LMNB1: variants seen among roughly 807,000 people sequenced by gnomAD.
The protein encoded by LMNB1 is lamin-B1.
In LMNB1, 23 loss-of-function variants were observed where a neutral mutation model predicts 67.1. The observed-to-expected ratio is 0.34, with a 90% CI of 0.25 to 0.49. The LOEUF (loss-of-function observed/expected upper bound fraction) is 0.49. LMNB1 is among the 20% of genes least tolerant of loss of function. LMNB1 has a pLI of 0.99. For missense variants in LMNB1, 634 were observed against 746.5 expected, an observed-to-expected ratio of 0.85 and a Z score of 1.76; for synonymous variants, 281 against 282.9, an observed-to-expected ratio of 0.99 and a Z score of 0.07.
intron 1 of LMNB1, among the ~76,000 whole-genome samples, chr5:126,795,715 C>G (rs55699774): frequency 0.084 from 12,735 of 151,986 alleles, 571 homozygotes; most frequent in Middle Eastern, 0.2. Context: ...CCTCTGCCCC[C>G]CCGGGTTCAA....
chr5:126,833,574 A>AT (rs1189519689), intron 10 of LMNB1, among the ~76,000 whole-genome samples: 3 of 152,200 alleles, frequency 2.0e-5, no homozygotes, highest in African/African-American at 7.2e-5. Context: ...AGTAGCATGA[A>AT]TTTTTTACCT....
chr5:126,812,792 A>G (rs377462832), intron 5 of LMNB1, among the ~76,000 whole-genome samples: 29 of 136,992 alleles, frequency 2.1e-4, no homozygotes, highest in African/African-American at 7.1e-4. Context: ...GTGCAGTGGT[A>G]CGATCTCGGC....
chr5:126,825,762 T>C (rs1044517510), intron 8 of LMNB1, among the ~76,000 whole-genome samples: 2 of 152,200 alleles, frequency 1.3e-5, no homozygotes, highest in African/African-American at 4.8e-5. Context: ...TAGGCAGTTT[T>C]ACTTCAGGGT....
intron 1 of LMNB1, among the ~76,000 whole-genome samples, chr5:126,784,399 A>G (rs1325817783): frequency 1.3e-5 from 2 of 151,174 alleles, no homozygotes; most frequent in Non-Finnish European, 2.9e-5. Flanking sequence ...TGTGTCGCCC[A>G]GGCTGGAGTG....
intron 5 of LMNB1, among the ~76,000 whole-genome samples, chr5:126,813,872 G>A (rs1203561341): frequency 6.6e-6 from 1 of 152,118 alleles, no homozygotes; most frequent in Non-Finnish European, 1.5e-5. Context: ...CACACAGACT[G>A]TATCACTGTC....
At chr5:126,780,579 A>T (rs746533570) in intron 1 of LMNB1, among the ~76,000 whole-genome samples, 1 of 152,246 alleles carries the variant, frequency 6.6e-6, no homozygotes, top group South Asian at 2.1e-4. Flanking sequence ...ATGCTAAGGG[A>T]ATAAAAATAA....
At chr5:126,785,671 A>G (rs1750763031) in intron 1 of LMNB1, among the ~76,000 whole-genome samples, 3 of 151,822 alleles carry the variant, frequency 2.0e-5, no homozygotes, top group Admixed American at 2.0e-4. Flanking sequence ...ATAGAAAAGG[A>G]GAAAACACAA....
chr5:126,813,467 A>G (rs955843787), intron 5 of LMNB1, among the ~76,000 whole-genome samples: 2 of 152,230 alleles, frequency 1.3e-5, no homozygotes, highest in Admixed American at 6.5e-5. Flanking sequence ...TTACTTTTAG[A>G]AATTTAACAG....
chr5:126,816,746 G>A (rs1475078291), intron 5 of LMNB1, among the ~76,000 whole-genome samples: 1 of 152,154 alleles, frequency 6.6e-6, no homozygotes, highest in Admixed American at 6.5e-5. Flanking sequence ...CCCCCAATTT[G>A]GATTTGTCCG....
chr5:126,787,546 A>ATATATATATATATATTTTTTTTTTTTTTT, intron 1 of LMNB1, among the ~76,000 whole-genome samples: 1 of 65,574 alleles, frequency 1.5e-5, no homozygotes, highest in African/African-American at 6.6e-5. Context: ...ATATATATAT[A>ATATATATATATATATTTTTTTTTTTTTTT]TTTTTTTTTT....
chr5:126,811,851 A>C lies in LMNB1; in HGVS notation c.892A>C (p.Met298Leu). The C allele has an allele frequency of 6.2e-7, 1 of 1,612,764 alleles. No homozygotes were observed. The highest frequency in any genetic ancestry group is 8.5e-7 in the Non-Finnish European group (1 of 1,178,840). Reference sequence around the variant, plus strand: ...CAGGGAAGAACTGATGGAAAGCCGCATGAGAATTGAGAGCCTTTCATCCCA... The same window carrying C: ...CAGGGAAGAACTGATGGAAAGCCGCCTGAGAATTGAGAGCCTTTCATCCCA... ...SAREELMESR[M>L]RIESLSSQLS... Residue 298 changes from methionine (M) to leucine (L), a missense_variant, in exon 5 of 11, where the codon ATG becomes CTG. By Grantham distance (15) the Met-to-Leu change is conservative. Coordinates refer to ENST00000261366, the MANE Select transcript of LMNB1 (RefSeq NM_005573.4).
intron 1 of LMNB1, among the ~76,000 whole-genome samples, chr5:126,788,349 G>A (rs1403363316): frequency 6.6e-6 from 1 of 152,044 alleles, no homozygotes; most frequent in Non-Finnish European, 1.5e-5. Context: ...AAGTAATAGA[G>A]AGGTGAGGCT....
intron 9 of LMNB1, among the ~76,000 whole-genome samples, chr5:126,830,364 C>CT (rs770090578): frequency 1.3e-5 from 2 of 152,236 alleles, no homozygotes; most frequent in Non-Finnish European, 2.9e-5. Flanking sequence ...TTTCAGGACA[C>CT]TTGGGGTAAA....
Position 126,777,517 on chromosome 5 carries a change from T to A in LMNB1, c.9T>A (p.Thr3=). 1.5e-6 allele frequency: 2 copies of A among 1,361,670 alleles called. No homozygotes were observed. 84.3% of individuals were successfully genotyped at this position (1,361,670 alleles called of 1,614,324 possible). A position where few individuals can be genotyped will look rare whatever the true frequency, so the allele number is the denominator to read the frequency against. The change falls in exon 1 of 11, where the codon ACT becomes ACA. Residue 3 remains threonine, a synonymous_variant. Coordinates refer to ENST00000261366, the MANE Select transcript of LMNB1 (RefSeq NM_005573.4). ...TGTCTCCGCCGCCCGCCATGGCGACTGCGACCCCCGTGCCGCCGCGGATGG... is the reference window on the plus strand; with the variant it reads ...TGTCTCCGCCGCCCGCCATGGCGACAGCGACCCCCGTGCCGCCGCGGATGG... The part of the protein sequence containing the change: MA[T]ATPVPPRMGS...
At chr5:126,801,631 G>C (rs566605301) in intron 1 of LMNB1, among the ~76,000 whole-genome samples, 1 of 152,278 alleles carries the variant, frequency 6.6e-6, no homozygotes, top group African/African-American at 2.4e-5. Flanking sequence ...TATTAAATCT[G>C]TGAAGTCAAA....
At position 126,810,270 on chromosome 5, in the gene LMNB1, G is replaced by A; in HGVS notation, c.733G>A (p.Ala245Thr). 1 of 1,614,002 alleles carries A rather than the reference G, an allele frequency of 6.2e-7. No individual in the cohort carries two copies. Among genetic ancestry groups the A allele is most frequent in the Non-Finnish European group, 8.5e-7 (1 of 1,179,874 alleles). ...QIEYEYKLAQ[A>T]LHEMREQHDA... ...TGAGTATGAGTACAAGCTGGCGCAA[G>A]CCCTTCATGAGATGAGAGAGCAACA... is the stretch of plus-strand genomic sequence containing the variant. Residue 245 changes from alanine (A) to threonine (T), a missense_variant, in exon 4 of 11, where the codon GCC becomes ACC. Transcript: ENST00000261366.
chr5:126,816,098 CTT>C (rs574388006), intron 5 of LMNB1, among the ~76,000 whole-genome samples: 2 of 147,464 alleles, frequency 1.4e-5, no homozygotes, highest in African/African-American at 5.0e-5. Flanking sequence ...ACTTACATGA[CTT>C]TTTTTTTTTC....
intron 1 of LMNB1, among the ~76,000 whole-genome samples, chr5:126,784,061 G>A (rs979155467): frequency 9.2e-6 from 1 of 108,502 alleles, no homozygotes; most frequent in Non-Finnish European, 1.7e-5. Context: ...TTTTGCTCTC[G>A]TTGCCCAGGC....
In LMNB1 at chr5:126,777,640, G is replaced by A. The variant is rs1423941405; in HGVS notation, c.132G>A (p.Ala44=). The A allele has an allele frequency of 3.2e-6, 5 of 1,543,406 alleles. No individual in the cohort carries two copies. Among genetic ancestry groups the A allele is most frequent in the Non-Finnish European group, 4.4e-6 (5 of 1,144,290 alleles). The part of the protein sequence containing the change: ...EELRELNDRL[A]VYIDKVRSLE... ...TGCGCGAGCTCAATGACCGGCTGGC[G>A]GTGTACATCGACAAGGTGCGCAGCC... Residue 44 remains alanine, a synonymous_variant, in exon 1 of 11, where the codon GCG becomes GCA. Transcript: ENST00000261366.
Sources: allele counts gnomAD v4.1 joint callset (sites outside exome capture counted in the v4.1 genomes callset), GRCh38; gene constraint gnomAD v4.1.1; transcripts MANE v1.5; gene names NCBI Gene and HGNC (gene_info 2026-07-23, HGNC 2026-07-21).